The following NPAS3 variants were observed in gnomAD, a reference collection of about 807,000 sequenced individuals.
The protein encoded by NPAS3 is neuronal PAS domain protein 3.
In NPAS3, 14 loss-of-function variants were observed where a neutral mutation model predicts 73.1. That is an observed-to-expected ratio of 0.19 (90% CI 0.13 to 0.30). The LOEUF (loss-of-function observed/expected upper bound fraction) is 0.30. Among genes scored for constraint, NPAS3 ranks in the 10% least tolerant of loss-of-function variants. The pLI is 1.00. For missense variants in NPAS3, 1,096 were observed against 1,250.0 expected (o/e 0.88, Z 1.86); for synonymous variants, 620 against 541.5 (o/e 1.14, Z -2.01).
At chr14:33,130,174 G>A (rs1378040941) in intron 2 of NPAS3, among the ~76,000 whole-genome samples, 1 of 152,078 alleles carries the variant, frequency 6.6e-6, no homozygotes, top group East Asian at 1.9e-4. Flanking sequence ...TATGCGTACG[G>A]CAGACCATAA....
At chr14:33,536,198 T>TAAAATA (rs1302188738) in intron 4 of NPAS3, among the ~76,000 whole-genome samples, 1 of 152,188 alleles carries the variant, frequency 6.6e-6, no homozygotes, top group Non-Finnish European at 1.5e-5. Flanking sequence ...GTTTGATTCA[T>TAAAATA]AAATATGTAA....
chr14:33,364,325 C>G (rs2045738094), intron 3 of NPAS3, among the ~76,000 whole-genome samples: 1 of 152,178 alleles, frequency 6.6e-6, no homozygotes, highest in Admixed American at 6.5e-5. Flanking sequence ...TCTCAGTTCT[C>G]AAAATGCCAA....
chr14:33,013,541 C>G (rs1043283854), intron 1 of NPAS3, among the ~76,000 whole-genome samples: 1 of 152,092 alleles, frequency 6.6e-6, no homozygotes, highest in Admixed American at 6.5e-5. Context: ...CCTCACTTCA[C>G]AGAAATATAA....
chr14:33,098,890 C>G (rs963721123), intron 2 of NPAS3, among the ~76,000 whole-genome samples: 2 of 152,146 alleles, frequency 1.3e-5, no homozygotes, highest in Non-Finnish European at 2.9e-5. Context: ...TTTAAATTGC[C>G]TGAGACCAAG....
intron 4 of NPAS3, among the ~76,000 whole-genome samples, chr14:33,421,585 TGAAATTCA>T (rs2048361491): frequency 1.3e-5 from 2 of 151,982 alleles, no homozygotes; most frequent in South Asian, 2.1e-4. Context: ...TGATATCATG[TGAAATTCA>T]GAAATTCAGA....
At chr14:33,012,304 AG>A (rs1391880886) in intron 1 of NPAS3, among the ~76,000 whole-genome samples, 1 of 152,158 alleles carries the variant, frequency 6.6e-6, no homozygotes, top group African/African-American at 2.4e-5. Flanking sequence ...CACAAAACAA[AG>A]TTTTTAGTTG....
chr14:33,778,596 A>G lies in NPAS3; in HGVS notation c.1153+24A>G, dbSNP rs778315395. On this transcript the variant is annotated intron_variant, in intron 9 of 11. Transcript: ENST00000356141. ...CTGTAAGTACCTCCTGTGTGGGGGA[A>G]TAACCCCGGCTGGTGTCAGCAATCT... 4.6e-6 allele frequency: 7 copies of G among 1,510,642 alleles called. No homozygotes were observed. The African/African-American group carries it at 6.9e-5, about 15-fold the overall frequency. The allele number at this position is 1,510,642 out of a possible 1,614,324, so 93.6% of individuals were successfully genotyped here.
chr14:33,597,143 C>G (rs1400968680), intron 5 of NPAS3, among the ~76,000 whole-genome samples: 1 of 152,192 alleles, frequency 6.6e-6, no homozygotes, highest in Admixed American at 6.5e-5. Flanking sequence ...CCAAACAGGT[C>G]TCTCTCCTTT....
At chr14:33,729,242 G>C (rs2061344686) in intron 6 of NPAS3, among the ~76,000 whole-genome samples, 1 of 152,134 alleles carries the variant, frequency 6.6e-6, no homozygotes, top group African/African-American at 2.4e-5. Flanking sequence ...ATTTCAGGTA[G>C]TGTGCCCTAC....
chr14:32,946,356 A>G (rs1011011860), intron 1 of NPAS3, among the ~76,000 whole-genome samples: 11 of 148,654 alleles, frequency 7.4e-5, no homozygotes, highest in East Asian at 5.9e-4. Flanking sequence ...GCGCACACAC[A>G]CACACACACA....
At chr14:32,999,408 G>A (rs918209142) in intron 1 of NPAS3, among the ~76,000 whole-genome samples, 1 of 152,020 alleles carries the variant, frequency 6.6e-6, no homozygotes, top group Non-Finnish European at 1.5e-5. Context: ...CTACTCGGGA[G>A]GCTGAGGCAG....
At chr14:33,118,482 A>C (rs2043134958) in intron 2 of NPAS3, among the ~76,000 whole-genome samples, 1 of 152,164 alleles carries the variant, frequency 6.6e-6, no homozygotes, top group Non-Finnish European at 1.5e-5. Context: ...GGTAATCTTC[A>C]AAATATCCTC....
At chr14:33,363,525 T>C (rs376073050) in intron 3 of NPAS3, among the ~76,000 whole-genome samples, 127 of 152,324 alleles carry the variant, frequency 8.3e-4, no homozygotes, top group African/African-American at 2.9e-3. Context: ...CAATAAACCC[T>C]TCTCCCTGTA....
chr14:33,511,779 A>G (rs1370530402), intron 4 of NPAS3, among the ~76,000 whole-genome samples: 1 of 152,126 alleles, frequency 6.6e-6, no homozygotes, highest in Non-Finnish European at 1.5e-5. Context: ...CCTTGTATAG[A>G]AAGAATGAAT....
rs573021869 is a variant in NPAS3, at chr14:33,191,329, T to C, written c.141-23853T>C. On this transcript the variant is annotated intron_variant, in intron 2 of 11. Coordinates refer to ENST00000356141, the Ensembl canonical transcript of NPAS3. Reference sequence around the variant, plus strand: ...ATTTAAGGCTATATATAGCATACTTTTGTACTCTGTAACCAAGTATGTGTT... The same window carrying C: ...ATTTAAGGCTATATATAGCATACTTCTGTACTCTGTAACCAAGTATGTGTT... 5.1e-4 allele frequency among the ~76,000 whole-genome samples: 78 copies of C among 152,322 alleles called. 2 individuals carry two copies. Among genetic ancestry groups the C allele is most frequent in the Admixed American group, 4.2e-3 (64 of 15,284 alleles).
intron 3 of NPAS3, among the ~76,000 whole-genome samples, chr14:33,272,634 C>G (rs2140019357): frequency 6.6e-6 from 1 of 152,248 alleles, no homozygotes; most frequent in African/African-American, 2.4e-5. Flanking sequence ...CTAGGCTGGT[C>G]TTGAACTCCT....
At chr14:33,722,476 C>T (rs1276202346) in intron 6 of NPAS3, among the ~76,000 whole-genome samples, 1 of 152,120 alleles carries the variant, frequency 6.6e-6, no homozygotes, top group Non-Finnish European at 1.5e-5. Flanking sequence ...AGAAAATATA[C>T]AAATGACCTA....
chr14:33,590,069 G>A (rs1439395858), intron 5 of NPAS3, among the ~76,000 whole-genome samples: 1 of 152,130 alleles, frequency 6.6e-6, no homozygotes, highest in African/African-American at 2.4e-5. Context: ...TCCCACCTCA[G>A]TTTTTGAGAT....
intron 3 of NPAS3, among the ~76,000 whole-genome samples, chr14:33,281,062 T>A (rs1424417439): frequency 1.3e-5 from 2 of 152,226 alleles, no homozygotes; most frequent in Non-Finnish European, 2.9e-5. Flanking sequence ...AGAGTTCACT[T>A]GATGCCCTCC....
Sources: gnomAD v4.1 joint callset for allele counts (sites outside exome capture counted in the v4.1 genomes callset) on GRCh38, gnomAD v4.1.1 for gene constraint, MANE v1.5 for transcripts, NCBI Gene and HGNC (gene_info 2026-07-23, HGNC 2026-07-21) for gene names.